Variants in MROH9 observed in about 807,000 individuals in gnomAD.
The protein encoded by MROH9 is maestro heat like repeat family member 9.
MROH9 carries 92 observed loss-of-function variants against 98.2 expected under a neutral mutation model. The ratio of observed to expected loss-of-function variants is 0.94; its 90% CI spans 0.79 to 1.11. MROH9 has a LOEUF of 1.11. Ranked by LOEUF, MROH9 falls within the 50% of genes most tolerant of loss-of-function variation. The pLI, the probability that MROH9 is intolerant of heterozygous loss-of-function variation, is 0.00. For synonymous variants in MROH9, 397 were observed against 368.9 expected (o/e 1.08, Z -0.87); for missense variants, 1,057 against 1,014.8 (o/e 1.04, Z -0.57).
At chr1:170,941,765 T>C (rs1649129783) in intron 1 of MROH9, among the ~76,000 whole-genome samples, 2 of 152,176 alleles carry the variant, frequency 1.3e-5, no homozygotes, top group South Asian at 4.1e-4. Flanking sequence ...TGGTGGGACT[T>C]CCCTCACAAA....
intron 4 of MROH9, among the ~76,000 whole-genome samples, chr1:170,959,156 A>AT (rs570469519): frequency 5.7e-4 from 86 of 152,200 alleles, no homozygotes; most frequent in African/African-American, 2.0e-3. Flanking sequence ...CGGGCGGATC[A>AT]TGAGGTCAGG....
chr1:171,054,428 C>T (rs1653765430), intron 20 of MROH9, among the ~76,000 whole-genome samples: 1 of 152,058 alleles, frequency 6.6e-6, no homozygotes, highest in African/African-American at 2.4e-5. Flanking sequence ...CATAAAAATT[C>T]CAGAAAAATA....
intron 12 of MROH9, 50 bp from the exon 13 acceptor site, chr1:170,995,339 G>A (rs775123731): frequency 1.2e-6 from 2 of 1,606,672 alleles, no homozygotes; most frequent in Non-Finnish European, 8.5e-7. Flanking sequence ...GGTTGACCGG[G>A]TTTAGAGAAA....
intron 8 of MROH9, among the ~76,000 whole-genome samples, chr1:170,975,333 TA>T (rs1287123695): frequency 6.6e-6 from 1 of 152,156 alleles, no homozygotes; most frequent in African/African-American, 2.4e-5. Flanking sequence ...TCTATTATTA[TA>T]AAAAGATATA....
At chr1:171,054,843 T>C (rs1472933497) in intron 20 of MROH9, among the ~76,000 whole-genome samples, 1 of 151,992 alleles carries the variant, frequency 6.6e-6, no homozygotes, top group African/African-American at 2.4e-5. Flanking sequence ...AATTTAAAAA[T>C]CAAAAAATCA....
rs1194458301 is a variant in MROH9, at chr1:171,017,721, G to A, written c.1908+1385G>A. Among the ~76,000 whole-genome samples the A allele has an allele frequency of 5.3e-5, 8 of 152,222 alleles. No individual in the cohort carries two copies. The East Asian group carries it at 1.4e-3, about 26-fold the overall frequency. On this transcript the variant is annotated intron_variant, in intron 17 of 21. Transcript: ENST00000367759. ...ATGCTTTTTCCCTGCTGGAGCCAGT[G>A]AGACTGGATGGCTTGATCCCAAGAG... is the stretch of plus-strand genomic sequence containing the variant.
intron 6 of MROH9, among the ~76,000 whole-genome samples, chr1:170,962,672 A>G (rs763741230): frequency 2.6e-5 from 4 of 152,170 alleles, no homozygotes; most frequent in Non-Finnish European, 1.5e-5. Context: ...TATGAATACA[A>G]AAAGGAATTT....
chr1:170,962,173 T>C (rs535145056), intron 6 of MROH9, among the ~76,000 whole-genome samples, 197 bp downstream of exon 6: 3 of 152,290 alleles, frequency 2.0e-5, no homozygotes, highest in African/African-American at 7.2e-5. Flanking sequence ...GAATTTAATT[T>C]GGGAAGGACA....
chr1:170,979,377 T>C (rs1256348575), intron 8 of MROH9, among the ~76,000 whole-genome samples: 1 of 152,222 alleles, frequency 6.6e-6, no homozygotes, highest in Non-Finnish European at 1.5e-5. Context: ...TAAATCCATA[T>C]ATATAGTCAG....
intron 11 of MROH9, among the ~76,000 whole-genome samples, chr1:170,991,190 C>A (rs559331733): frequency 6.6e-5 from 10 of 152,254 alleles, no homozygotes; most frequent in African/African-American, 2.4e-4. Flanking sequence ...TTAATCAAAG[C>A]TGCTACCAGC....
chr1:170,990,154 C>T (rs1651300711), intron 11 of MROH9, 151 bp downstream of exon 11: 4 of 750,952 alleles, frequency 5.3e-6, no homozygotes, highest in African/African-American at 1.8e-5. Context: ...ATGTGGGATA[C>T]TTGTAAGACT....
chr1:171,031,836 T>G (rs888298324), intron 20 of MROH9, among the ~76,000 whole-genome samples: 13 of 152,212 alleles, frequency 8.5e-5, no homozygotes, highest in Admixed American at 4.6e-4. Context: ...CTTGCTAGGT[T>G]GGGAAAGTCC....
intron 20 of MROH9, among the ~76,000 whole-genome samples, chr1:171,058,587 T>G (rs1234499883): frequency 6.6e-6 from 1 of 152,194 alleles, no homozygotes; most frequent in African/African-American, 2.4e-5. Flanking sequence ...TCATGTTACC[T>G]GACTTTATAC....
At chr1:171,020,045 A>G (rs1652465966) in intron 17 of MROH9, among the ~76,000 whole-genome samples, 1 of 152,140 alleles carries the variant, frequency 6.6e-6, no homozygotes, top group Non-Finnish European at 1.5e-5. Context: ...GGACGCATAC[A>G]CCCTCCCAAG....
chr1:170,947,352 TG>T (rs1257544866), intron 2 of MROH9, among the ~76,000 whole-genome samples, 174 bp from the exon 3 acceptor site: 1 of 151,896 alleles, frequency 6.6e-6, no homozygotes, highest in African/African-American at 2.4e-5. Context: ...TTTTGTTAAG[TG>T]TTGTCCAGTA....
At chr1:170,938,925 C>T (rs1352186455) in intron 1 of MROH9, among the ~76,000 whole-genome samples, 1 of 152,198 alleles carries the variant, frequency 6.6e-6, no homozygotes, top group African/African-American at 2.4e-5. Flanking sequence ...AAATAAAAGT[C>T]CATGTTGCTG....
At chr1:171,058,346 C>CAA (rs34725160) in intron 20 of MROH9, among the ~76,000 whole-genome samples, 30 of 67,140 alleles carry the variant, frequency 4.5e-4, no homozygotes, top group African/African-American at 1.2e-3. Context: ...AGAGAGGATG[C>CAA]AAAAAAAAAA....
At position 171,016,181 on chromosome 1, in the gene MROH9, AT is replaced by A; in HGVS notation, c.1754del (p.Ile585AsnfsTer2). ...TATGTAGACAGAAAATGTCAGCAGT[AT>A]ATTAATAGCCATCCTGGATGCCTTC... ...IINKTENVSS[I>X]LIAILDAFLS... On this transcript the variant is annotated frameshift_variant, in exon 17 of 22. Coordinates refer to ENST00000367759, the MANE Select transcript of MROH9 (RefSeq NM_001163629.2). LOFTEE classifies it high-confidence loss of function. The A allele has an allele frequency of 6.6e-7, 1 of 1,518,294 alleles. No individual in the cohort carries two copies. The highest frequency in any genetic ancestry group is 1.3e-5 in the South Asian group (1 of 77,442). The allele number at this position is 1,518,294 out of a possible 1,614,324, so 94.1% of individuals were successfully genotyped here.
At chr1:171,017,831 C>T (rs1652380709) in intron 17 of MROH9, among the ~76,000 whole-genome samples, 1 of 152,004 alleles carries the variant, frequency 6.6e-6, no homozygotes, top group Non-Finnish European at 1.5e-5. Flanking sequence ...TCCCTCCTCG[C>T]TGGGGTCTTC....
Sources: gnomAD v4.1 joint callset for allele counts (sites outside exome capture counted in the v4.1 genomes callset) on GRCh38, gnomAD v4.1.1 for gene constraint, MANE v1.5 for transcripts, NCBI Gene and HGNC (gene_info 2026-07-23, HGNC 2026-07-21) for gene names.